Variants in MDGA2 observed in about 807,000 individuals in gnomAD.
MDGA2 encodes MAM domain-containing glycosylphosphatidylinositol anchor protein 2.
MDGA2 carries 40 observed loss-of-function variants against 117.8 expected under a neutral mutation model. The observed-to-expected ratio is 0.34, with a 90% CI of 0.26 to 0.44. MDGA2 has a LOEUF of 0.44. Ranked by LOEUF, MDGA2 falls within the 20% of genes least tolerant of loss-of-function variation. The pLI, the probability that MDGA2 is intolerant of heterozygous loss-of-function variation, is 1.00. For synonymous variants in MDGA2, 452 were observed against 439.0 expected, an observed-to-expected ratio of 1.03 and a Z score of -0.37; for missense variants, 1,123 against 1,250.6, an observed-to-expected ratio of 0.90 and a Z score of 1.54.
intron 8 of MDGA2, among the ~76,000 whole-genome samples, chr14:46,988,411 A>G (rs1566561470): frequency 6.6e-6 from 1 of 152,084 alleles, no homozygotes; most frequent in Non-Finnish European, 1.5e-5. Flanking sequence ...AACATAAGCA[A>G]CTTAATAAAA....
chr14:47,179,324 T>C (rs1288642853), intron 3 of MDGA2, among the ~76,000 whole-genome samples: 2 of 152,112 alleles, frequency 1.3e-5, no homozygotes, highest in Admixed American at 1.3e-4. Flanking sequence ...TTGAGACTTT[T>C]ACTATTTTTC....
chr14:47,499,260 C>T (rs371388848), intron 1 of MDGA2, among the ~76,000 whole-genome samples: 20 of 152,166 alleles, frequency 1.3e-4, no homozygotes, highest in African/African-American at 4.6e-4. Flanking sequence ...TCTTAAATCC[C>T]GAGCAAATCT....
chr14:47,301,439 C>T lies in MDGA2; in HGVS notation c.392G>A (p.Cys131Tyr). Reference protein sequence around the residue: ...IREGETLELTCLVTGHPRPQI... With the variant: ...IREGETLELTYLVTGHPRPQI... ...TGGACGTGGATGTCCTGTGACTAGA[C>T]AAGTCAACTCAAGGGTTTCTCCTTC... is the stretch of plus-strand genomic sequence containing the variant. The change falls in exon 2 of 17, where the codon TGT becomes TAT. Residue 131 changes from cysteine to tyrosine, a missense_variant. Around this residue, in one of 2 missense-constraint regions of MDGA2, gnomAD observed 233 missense variants for 200.3 expected, o/e 1.16. Coordinates refer to ENST00000399232, the MANE Select transcript of MDGA2 (RefSeq NM_001113498.3). 1 of 1,551,840 alleles carries T rather than the reference C, an allele frequency of 6.4e-7. No homozygotes were observed. Among genetic ancestry groups the T allele is most frequent in the Non-Finnish European group, 8.7e-7 (1 of 1,147,022 alleles).
chr14:47,243,249 T>G (rs1272502091), intron 2 of MDGA2, among the ~76,000 whole-genome samples: 1 of 151,362 alleles, frequency 6.6e-6, no homozygotes, highest in Non-Finnish European at 1.5e-5. Flanking sequence ...CTGGTGGGGA[T>G]GTGGAGAACC....
chr14:47,334,987 G>T (rs1281818670), intron 1 of MDGA2, among the ~76,000 whole-genome samples: 1 of 151,798 alleles, frequency 6.6e-6, no homozygotes, highest in Non-Finnish European at 1.5e-5. Flanking sequence ...TTTGAAATTG[G>T]GTGGTTTGTA....
At chr14:47,307,691 G>T (rs35072633) in intron 1 of MDGA2, among the ~76,000 whole-genome samples, 1 of 149,970 alleles carries the variant, frequency 6.7e-6, no homozygotes, top group Non-Finnish European at 1.5e-5. Context: ...CTGTGGGGGG[G>T]AAAAAAAAAG....
chr14:47,261,008 G>C (rs1434014522), intron 2 of MDGA2, among the ~76,000 whole-genome samples: 1 of 152,004 alleles, frequency 6.6e-6, no homozygotes, highest in Non-Finnish European at 1.5e-5. Context: ...TAATAATATG[G>C]ACAAGAATGG....
chr14:47,178,791 T>C (rs1884583517), intron 3 of MDGA2, among the ~76,000 whole-genome samples: 1 of 152,058 alleles, frequency 6.6e-6, no homozygotes, highest in African/African-American at 2.4e-5. Context: ...CAGTCAGAAA[T>C]AGCAACAAAT....
chr14:47,391,088 G>C lies in MDGA2; in HGVS notation c.281-89538C>G, dbSNP rs537073231. Among the ~76,000 whole-genome samples, 17 of 152,164 alleles carry C rather than the reference G, an allele frequency of 1.1e-4. 1 individual carries two copies. The highest frequency in any genetic ancestry group is 4.1e-4 in the African/African-American group (17 of 41,538). On this transcript the variant is annotated intron_variant, in intron 1 of 16. Transcript: ENST00000399232. ...TTTAAGGTGCTGTTCTCTCTGGCTG[G>C]AATCATATTCTCCATTCTCTTGGCA...
rs567090307 is a variant in MDGA2 at position 47,663,337 on chromosome 14, C to T, written c.280+11180G>A. On this transcript the variant is annotated intron_variant, in intron 1 of 16. Transcript: ENST00000399232. ...AACTAACAATTTTTGTTGTCTTTCA[C>T]AGTCCTGAGTAAAGATTGCCTTCTA... 2.6e-5 allele frequency among the ~76,000 whole-genome samples: 4 copies of T among 152,306 alleles called. No individual in the cohort carries two copies. In the South Asian group the frequency reaches 8.3e-4, roughly 32 times the overall value.
At chr14:47,212,682 A>G (rs1274088345) in intron 3 of MDGA2, among the ~76,000 whole-genome samples, 1 of 152,144 alleles carries the variant, frequency 6.6e-6, no homozygotes, top group Non-Finnish European at 1.5e-5. Flanking sequence ...CTCATCCACT[A>G]TATATTTATA....
intron 5 of MDGA2, among the ~76,000 whole-genome samples, chr14:47,098,481 G>A (rs1254067455): frequency 6.6e-6 from 1 of 151,532 alleles, no homozygotes; most frequent in East Asian, 1.9e-4. Flanking sequence ...TTACAAACCT[G>A]TTGGGAAATG....
At chr14:47,221,583 G>A (rs1317204953) in intron 2 of MDGA2, among the ~76,000 whole-genome samples, 4 of 151,614 alleles carry the variant, frequency 2.6e-5, no homozygotes, top group African/African-American at 9.7e-5. Flanking sequence ...AGCTATTTGG[G>A]AGGCTGAGAC....
At chr14:47,060,691 A>G (rs1889851252) in intron 7 of MDGA2, among the ~76,000 whole-genome samples, 1 of 152,082 alleles carries the variant, frequency 6.6e-6, no homozygotes. Flanking sequence ...TCACTCCAAT[A>G]TATTTTCGTA....
chr14:47,389,606 CCACACA>C (rs200077028), intron 1 of MDGA2, among the ~76,000 whole-genome samples: 17 of 96,374 alleles, frequency 1.8e-4, no homozygotes, highest in East Asian at 5.2e-4. Context: ...ACACACACAC[CCACACA>C]CACACACACA....
At chr14:47,237,609 C>T (rs925221205) in intron 2 of MDGA2, among the ~76,000 whole-genome samples, 12 of 152,102 alleles carry the variant, frequency 7.9e-5, no homozygotes, top group African/African-American at 2.2e-4. Context: ...TATATCTGTT[C>T]GTAGTGGATG....
chr14:47,081,517 G>A (rs1445991573), intron 6 of MDGA2, among the ~76,000 whole-genome samples: 1 of 152,062 alleles, frequency 6.6e-6, no homozygotes, highest in Non-Finnish European at 1.5e-5. Flanking sequence ...AAATTAGGCA[G>A]AGAATTTAGA....
At chr14:47,203,596 G>T (rs1348094002) in intron 3 of MDGA2, among the ~76,000 whole-genome samples, 6 of 151,886 alleles carry the variant, frequency 4.0e-5, no homozygotes, top group Non-Finnish European at 2.9e-5. Context: ...AAAACAAATG[G>T]CACCATGCTT....
chr14:47,248,630 G>C (rs1156644369), intron 2 of MDGA2, among the ~76,000 whole-genome samples: 1 of 146,134 alleles, frequency 6.8e-6, no homozygotes, highest in African/African-American at 2.4e-5. Flanking sequence ...TATATTGTCT[G>C]GGTTTTGTTT....
Sources: gnomAD v4.1 joint callset for allele counts (sites outside exome capture counted in the v4.1 genomes callset) on GRCh38, gnomAD v4.1.1 for gene constraint, gnomAD v4.1.1 regional missense constraint, MANE v1.5 for transcripts, NCBI Gene and HGNC (gene_info 2026-07-23, HGNC 2026-07-21) for gene names.